The following MAGI2 variants were observed in gnomAD, a reference collection of about 807,000 sequenced individuals.
The protein encoded by MAGI2 is membrane-associated guanylate kinase, WW and PDZ domain-containing protein 2.
A neutral mutation model predicts 133.3 loss-of-function variants in MAGI2; 35 were observed. The observed-to-expected ratio is 0.26, with a 90% CI of 0.20 to 0.35. The LOEUF (loss-of-function observed/expected upper bound fraction) is 0.35. MAGI2 is among the 10% of genes least tolerant of loss of function. The pLI is 1.00. For missense variants in MAGI2, 1,636 were observed against 1,863.4 expected, an observed-to-expected ratio of 0.88 and a Z score of 2.25; for synonymous variants, 729 against 710.6, an observed-to-expected ratio of 1.03 and a Z score of -0.41.
chr7:79,222,256 T>C (rs1193340322), intron 1 of MAGI2, among the ~76,000 whole-genome samples: 2 of 152,064 alleles, frequency 1.3e-5, no homozygotes, highest in Non-Finnish European at 2.9e-5. Flanking sequence ...ATCTAAAAGA[T>C]ATTTTGGTAG....
In MAGI2 at chr7:79,081,687, G is replaced by A. The variant is rs189889632; in HGVS notation, c.302-74481C>T. 2.5e-4 allele frequency among the ~76,000 whole-genome samples: 38 copies of A among 152,120 alleles called. No homozygotes were observed. The East Asian group carries it at 5.2e-3, about 21-fold the overall frequency. Reference sequence around the variant, plus strand: ...ATTAACAAATATTCTCAAAATAGTCGTTTAGGGTGCTGTTTCTTCCTCTCC... The same window carrying A: ...ATTAACAAATATTCTCAAAATAGTCATTTAGGGTGCTGTTTCTTCCTCTCC... On this transcript the variant is annotated intron_variant, in intron 1 of 21. Coordinates refer to ENST00000354212, the MANE Select transcript of MAGI2 (RefSeq NM_012301.4).
intron 6 of MAGI2, among the ~76,000 whole-genome samples, chr7:78,402,160 C>A (rs1796930908): frequency 1.3e-5 from 2 of 152,132 alleles, no homozygotes; most frequent in Admixed American, 1.3e-4. Flanking sequence ...CAGCACTGTG[C>A]TTGACACCTA....
At chr7:78,576,644 C>T (rs924420335) in intron 3 of MAGI2, among the ~76,000 whole-genome samples, 3 of 152,156 alleles carry the variant, frequency 2.0e-5, no homozygotes, top group Admixed American at 2.0e-4. Flanking sequence ...AACAGACAGG[C>T]CTTGCTGGGT....
chr7:78,456,202 T>A (rs1271132198), intron 6 of MAGI2, among the ~76,000 whole-genome samples: 1 of 152,142 alleles, frequency 6.6e-6, no homozygotes, highest in Non-Finnish European at 1.5e-5. Context: ...TTTCTTCCTA[T>A]ACATGTTATA....
intron 2 of MAGI2, among the ~76,000 whole-genome samples, chr7:78,931,130 C>A (rs1584427926): frequency 6.6e-6 from 1 of 152,036 alleles, no homozygotes; most frequent in Non-Finnish European, 1.5e-5. Flanking sequence ...CTTCAACCCA[C>A]GTCAAGGATG....
intron 1 of MAGI2, among the ~76,000 whole-genome samples, chr7:79,265,776 A>G (rs1164028310): frequency 6.6e-6 from 1 of 152,076 alleles, no homozygotes; most frequent in Non-Finnish European, 1.5e-5. Context: ...GGCAGGCGCT[A>G]AGAAGGACAT....
intron 9 of MAGI2, among the ~76,000 whole-genome samples, chr7:78,339,208 T>C (rs1216020402): frequency 6.6e-6 from 1 of 152,118 alleles, no homozygotes; most frequent in Non-Finnish European, 1.5e-5. Context: ...GAAAGGGAGG[T>C]TCATAGTCAT....
At chr7:78,108,568 G>A (rs1818926275) in intron 20 of MAGI2, among the ~76,000 whole-genome samples, 1 of 152,170 alleles carries the variant, frequency 6.6e-6, no homozygotes, top group Admixed American at 6.5e-5. Context: ...GCTGAAAGCA[G>A]GGTGTTGAGA....
intron 1 of MAGI2, among the ~76,000 whole-genome samples, chr7:79,052,525 G>A (rs1234923202): frequency 1.3e-5 from 2 of 152,172 alleles, no homozygotes; most frequent in East Asian, 1.9e-4. Context: ...CATTGACTTG[G>A]ATGCTCCCAT....
intron 1 of MAGI2, among the ~76,000 whole-genome samples, chr7:79,399,144 G>C (rs1845293429): frequency 7.1e-6 from 1 of 140,842 alleles, no homozygotes; most frequent in African/African-American, 2.8e-5. Flanking sequence ...GCCCAGACTG[G>C]AGTGCAGAGG....
At chr7:78,578,439 GAT>G (rs2150800188) in intron 3 of MAGI2, among the ~76,000 whole-genome samples, 1 of 151,618 alleles carries the variant, frequency 6.6e-6, no homozygotes, top group African/African-American at 2.4e-5. Context: ...TGCATAAAGA[GAT>G]AAAACATAGA....
chr7:78,812,640 A>T (rs936108331), intron 2 of MAGI2, among the ~76,000 whole-genome samples: 1 of 151,906 alleles, frequency 6.6e-6, no homozygotes, highest in East Asian at 1.9e-4. Flanking sequence ...TTGCCGATAG[A>T]TTGGAATTTA....
At position 78,452,854 on chromosome 7, in the gene MAGI2, A is replaced by C. The variant is rs144108487; in HGVS notation, c.1045+36907T>G. On this transcript the variant is annotated intron_variant, in intron 6 of 21. Transcript: ENST00000354212. ...GTGAACATTCAGATGTAAAAAAGTTATGTTAGTATTTATTAGCATATTTTT... is the reference window on the plus strand; with the variant it reads ...GTGAACATTCAGATGTAAAAAAGTTCTGTTAGTATTTATTAGCATATTTTT... Among the ~76,000 whole-genome samples, 1,421 of 152,216 alleles carry C rather than the reference A, an allele frequency of 9.3e-3. 11 individuals are homozygous for C. Among genetic ancestry groups the C allele is most frequent in the Non-Finnish European group, 0.012 (829 of 67,992 alleles).
At chr7:79,090,795 A>G (rs1816974645) in intron 1 of MAGI2, among the ~76,000 whole-genome samples, 1 of 152,182 alleles carries the variant, frequency 6.6e-6, no homozygotes, top group African/African-American at 2.4e-5. Context: ...ATAGTGAGTT[A>G]TATCCATGGT....
Position 79,329,908 on chromosome 7 carries a change from G to A in MAGI2, c.301+123112C>T, listed in dbSNP as rs557024617. ...ACTTAATAGTTCTGAATTCCAACCC[G>A]GTTATTCTAGAGAAAGATGCTTCTC... On this transcript the variant is annotated intron_variant, in intron 1 of 21. Coordinates refer to ENST00000354212, the MANE Select transcript of MAGI2 (RefSeq NM_012301.4). 2.6e-5 allele frequency among the ~76,000 whole-genome samples: 4 copies of A among 152,130 alleles called. No homozygotes were observed. The South Asian group carries it at 6.2e-4, about 24-fold the overall frequency.
At chr7:78,523,163 A>G (rs1261839565) in intron 3 of MAGI2, among the ~76,000 whole-genome samples, 1 of 152,186 alleles carries the variant, frequency 6.6e-6, no homozygotes, top group Non-Finnish European at 1.5e-5. Context: ...TGGCTTTTTT[A>G]TATAACTACA....
chr7:79,368,867 A>T (rs1357135032), intron 1 of MAGI2, among the ~76,000 whole-genome samples: 1 of 134,834 alleles, frequency 7.4e-6, no homozygotes, highest in Non-Finnish European at 1.6e-5. Context: ...AAAAAAAAAA[A>T]AAAAAAAAAG....
intron 7 of MAGI2, among the ~76,000 whole-genome samples, chr7:78,355,257 T>C (rs1791950014): frequency 6.6e-6 from 1 of 152,210 alleles, no homozygotes; most frequent in Non-Finnish European, 1.5e-5. Context: ...CTGAAGCTCT[T>C]AATAAAGAAC....
chr7:78,673,447 T>A (rs867365865), intron 2 of MAGI2, among the ~76,000 whole-genome samples: 8 of 151,992 alleles, frequency 5.3e-5, no homozygotes, highest in Middle Eastern at 3.4e-3. Flanking sequence ...TTGGTCACAG[T>A]CCAAGTACCA....
Sources: allele counts gnomAD v4.1 joint callset (sites outside exome capture counted in the v4.1 genomes callset), GRCh38; gene constraint gnomAD v4.1.1; transcripts MANE v1.5; gene names NCBI Gene and HGNC (gene_info 2026-07-23, HGNC 2026-07-21).